Variants in EXOC4 observed in about 807,000 individuals in gnomAD.
EXOC4 encodes exocyst complex component 4.
EXOC4 carries 71 observed loss-of-function variants against 107.2 expected under a neutral mutation model. The ratio of observed to expected loss-of-function variants is 0.66; its 90% CI spans 0.55 to 0.81. The LOEUF (loss-of-function observed/expected upper bound fraction) is 0.81, where lower values mean the gene tolerates loss of function less well. EXOC4 is among the 30% of genes least tolerant of loss of function. EXOC4 has a pLI of 0.00. For missense variants in EXOC4, 1,108 were observed against 1,189.6 expected (o/e 0.93, Z 1.01); for synonymous variants, 456 against 441.2 (o/e 1.03, Z -0.42).
chr7:133,333,276 C>A (rs1047201586), intron 5 of EXOC4, among the ~76,000 whole-genome samples: 1 of 152,138 alleles, frequency 6.6e-6, no homozygotes, highest in African/African-American at 2.4e-5. Flanking sequence ...CCAAATTTGG[C>A]CACTGGTAGC....
intron 7 of EXOC4, among the ~76,000 whole-genome samples, chr7:133,446,015 TA>T (rs5887629): frequency 1.8e-3 from 250 of 141,798 alleles, no homozygotes; most frequent in African/African-American, 4.8e-3. Context: ...AACCCTGTCT[TA>T]AAAAAAAAAA....
At chr7:133,905,534 T>G (rs1862873) in intron 12 of EXOC4, among the ~76,000 whole-genome samples, 1 of 151,958 alleles carries the variant, frequency 6.6e-6, no homozygotes, top group Non-Finnish European at 1.5e-5. Context: ...CTGAGATCCA[T>G]CCAGCAGCTC....
intron 10 of EXOC4, among the ~76,000 whole-genome samples, chr7:133,775,686 A>AT (rs1477600184): frequency 6.6e-6 from 1 of 152,048 alleles, no homozygotes; most frequent in Non-Finnish European, 1.5e-5. Context: ...AATGTACAGG[A>AT]TTTTTTCCCT....
At chr7:133,862,133 A>G (rs1258044775) in intron 11 of EXOC4, among the ~76,000 whole-genome samples, 1 of 151,210 alleles carries the variant, frequency 6.6e-6, no homozygotes, top group African/African-American at 2.4e-5. Flanking sequence ...ACTGGCTCAT[A>G]TGGTTCATGT....
intron 10 of EXOC4, among the ~76,000 whole-genome samples, chr7:133,748,390 C>T (rs1795721073): frequency 6.6e-6 from 1 of 152,144 alleles, no homozygotes; most frequent in South Asian, 2.1e-4. Flanking sequence ...CAGGTTTCAA[C>T]ATGGGGAAAG....
intron 10 of EXOC4, among the ~76,000 whole-genome samples, chr7:133,812,913 C>T (rs963021962): frequency 1.3e-5 from 2 of 152,086 alleles, no homozygotes; most frequent in African/African-American, 2.4e-5. Flanking sequence ...CCTTAGCCCC[C>T]GTTCTATCCA....
chr7:133,824,877 C>T (rs1352210262), intron 11 of EXOC4, among the ~76,000 whole-genome samples: 1 of 152,188 alleles, frequency 6.6e-6, no homozygotes, highest in Non-Finnish European at 1.5e-5. Flanking sequence ...AGGACGATCT[C>T]ATCTCAATCC....
intron 9 of EXOC4, among the ~76,000 whole-genome samples, chr7:133,569,635 T>TAC (rs1800977289): frequency 6.6e-6 from 1 of 152,206 alleles, no homozygotes; most frequent in African/African-American, 2.4e-5. Context: ...CAAATGTATA[T>TAC]ACGTAGGTAT....
intron 10 of EXOC4, among the ~76,000 whole-genome samples, chr7:133,798,240 G>T (rs1333033488): frequency 6.6e-6 from 1 of 151,918 alleles, no homozygotes; most frequent in Non-Finnish European, 1.5e-5. Flanking sequence ...GCATGCAAAG[G>T]TACTGTAATC....
At chr7:133,944,610 A>G (rs550604457) in intron 14 of EXOC4, among the ~76,000 whole-genome samples, 2 of 152,340 alleles carry the variant, frequency 1.3e-5, no homozygotes, top group South Asian at 4.1e-4. Flanking sequence ...CTTTCTGACT[A>G]CAAATTGCTT....
At chr7:133,565,363 A>G (rs553741397) in intron 9 of EXOC4, among the ~76,000 whole-genome samples, 7 of 152,330 alleles carry the variant, frequency 4.6e-5, no homozygotes, top group African/African-American at 1.7e-4. Context: ...ATCCATAAGT[A>G]ACACGTAAAA....
At chr7:133,548,843 T>C (rs772531088) in intron 9 of EXOC4, among the ~76,000 whole-genome samples, 8 of 152,216 alleles carry the variant, frequency 5.3e-5, no homozygotes, top group Non-Finnish European at 7.3e-5. Context: ...TGTTTTACTT[T>C]CTTATCCTTT....
At chr7:133,574,773 A>C (rs1250972492) in intron 9 of EXOC4, among the ~76,000 whole-genome samples, 1 of 152,164 alleles carries the variant, frequency 6.6e-6, no homozygotes, top group Non-Finnish European at 1.5e-5. Flanking sequence ...TTCTCATTAT[A>C]ACTTTGTCCG....
At chr7:133,918,797 G>A (rs6974143) in intron 13 of EXOC4, among the ~76,000 whole-genome samples, 70,511 of 151,960 alleles carry the variant, frequency 0.46, 17,568 homozygotes, top group African/African-American at 0.64. Context: ...CATCAAAGTT[G>A]GGATTAATAT....
At chr7:133,323,830 C>T (rs1204530420) in intron 5 of EXOC4, among the ~76,000 whole-genome samples, 2 of 152,166 alleles carry the variant, frequency 1.3e-5, no homozygotes, top group African/African-American at 4.8e-5. Flanking sequence ...GCTGTGAATC[C>T]ATCTGATCCT....
At chr7:133,603,741 G>T (rs1037958796) in intron 9 of EXOC4, among the ~76,000 whole-genome samples, 4 of 152,212 alleles carry the variant, frequency 2.6e-5, no homozygotes, top group African/African-American at 9.6e-5. Flanking sequence ...AAGTTCTCGA[G>T]TGAGTGATGA....
the EXOC4 span, among the ~76,000 whole-genome samples, chr7:134,091,575 G>T: frequency 6.6e-6 from 1 of 152,202 alleles, no homozygotes; most frequent in Non-Finnish European, 1.5e-5. Context: ...GTAGGTCTCA[G>T]CCTCATTTTA....
At position 133,845,335 on chromosome 7, in the gene EXOC4, A is replaced by AGTGTGTGTGTGTGT. The variant is rs34845137; in HGVS notation, c.1734+27812_1734+27825dup. 6.5e-3 allele frequency among the ~76,000 whole-genome samples: 900 copies of AGTGTGTGTGTGTGT among 138,006 alleles called. 10 individuals carry two copies. The highest frequency in any genetic ancestry group is 0.024 in the African/African-American group (861 of 36,482). 90.5% of individuals were successfully genotyped at this position (138,006 alleles called of 152,430 possible). A position where few individuals can be genotyped will look rare whatever the true frequency, so the allele number is the denominator to read the frequency against. ...CAACTAGCATGATAGGCAGGTTAGT[A>AGTGTGTGTGTGTGT]GTGTGTGTGTGTGTGTGTGTGTGTG... On this transcript the variant is annotated intron_variant, in intron 11 of 17. Transcript: ENST00000253861.
intron 17 of EXOC4, among the ~76,000 whole-genome samples, chr7:134,019,415 GTGATGATGATGATGA>G (rs149056095): frequency 6.7e-6 from 1 of 148,646 alleles, no homozygotes; most frequent in East Asian, 2.0e-4. Flanking sequence ...CTTTCTCTCA[GTGATGATGATGATGA>G]TGATGATGAT....
Sources: gnomAD v4.1 joint callset for allele counts (sites outside exome capture counted in the v4.1 genomes callset) on GRCh38, gnomAD v4.1.1 for gene constraint, MANE v1.5 for transcripts, NCBI Gene and HGNC (gene_info 2026-07-23, HGNC 2026-07-21) for gene names.